The following SLC7A14 variants were observed in gnomAD, a reference collection of about 807,000 sequenced individuals.
SLC7A14 encodes the protein solute carrier family 7 member 14.
In SLC7A14, 37 loss-of-function variants were observed where a neutral mutation model predicts 60.2. The observed-to-expected ratio is 0.61, with a 90% confidence interval of 0.47 to 0.81. The LOEUF is 0.81. Ranked by LOEUF, SLC7A14 falls within the 30% of genes least tolerant of loss-of-function variation. The pLI is 0.00. For missense variants in SLC7A14, 886 were observed against 982.7 expected (o/e 0.90, Z 1.32); for synonymous variants, 399 against 395.8 (o/e 1.01, Z -0.10).
Position 170,501,248 on chromosome 3 carries a change from G to A in SLC7A14, c.402C>T (p.Phe134=), listed in dbSNP as rs772249542. The change falls in exon 3 of 8, where the codon TTC becomes TTT. Residue 134 remains phenylalanine (F), a synonymous_variant. Coordinates refer to ENST00000231706, the MANE Select transcript of SLC7A14 (RefSeq NM_020949.3). ...ACTCCAGGATCAGGTTCCAGCCAAT[G>A]AAAAATGCCACAAATTCCCCAACAG... The part of the protein sequence containing the change: ...YVTVGEFVAF[F]IGWNLILEYL... 11 of 1,614,072 alleles carry A rather than the reference G, an allele frequency of 6.8e-6. No individual in the cohort carries two copies. In the Admixed American group the frequency reaches 1.8e-4, roughly 27 times the overall value.
chr3:170,462,317 A>G lies in SLC7A14; in HGVS notation c.*4738T>C, dbSNP rs1253797828. On this transcript the variant is annotated 3_prime_UTR_variant, in exon 8 of 8. Transcript: ENST00000231706. ...AAGGTAGACTTCCAACAAATGTTGG[A>G]TGTCTAACAAATGTTGGATTTGTCT... 6.6e-6 allele frequency: 1 copy of G among 152,192 alleles called. No individual in the cohort carries two copies. The highest frequency in any genetic ancestry group is 2.4e-5 in the African/African-American group (1 of 41,444). 9.4% of individuals were successfully genotyped at this position (152,192 alleles called of 1,614,324 possible).
intron 2 of SLC7A14, among the ~76,000 whole-genome samples, chr3:170,515,018 A>G (rs1281347656): frequency 1.3e-5 from 2 of 152,178 alleles, no homozygotes; most frequent in African/African-American, 4.8e-5. Flanking sequence ...ACCCACCTTG[A>G]AAATAATATT....
chr3:170,477,831 C>T (rs781276992), intron 7 of SLC7A14, among the ~76,000 whole-genome samples: 1 of 152,198 alleles, frequency 6.6e-6, no homozygotes, highest in Non-Finnish European at 1.5e-5. Context: ...ATGGGCACCA[C>T]ACTGTGGGTA....
Position 170,460,010 on chromosome 3 carries a change from G to A in SLC7A14, c.*7045C>T, listed in dbSNP as rs892621382. 1 of 151,958 alleles carries A rather than the reference G, an allele frequency of 6.6e-6. No homozygotes were observed. The highest frequency in any genetic ancestry group is 2.4e-5 in the African/African-American group (1 of 41,344). The allele number at this position is 151,958 out of a possible 1,614,324, so 9.4% of individuals were successfully genotyped here. A position where few individuals can be genotyped will look rare whatever the true frequency, so the allele number is the denominator to read the frequency against. On this transcript the variant is annotated 3_prime_UTR_variant, in exon 8 of 8. Coordinates refer to ENST00000231706, the MANE Select transcript of SLC7A14 (RefSeq NM_020949.3). ...AATATATTGTCAACACCACACATTT[G>A]AAAATAAAACACATTTCATAATACA...
intron 1 of SLC7A14, among the ~76,000 whole-genome samples, chr3:170,543,329 T>C (rs763940863): frequency 4.6e-5 from 7 of 152,108 alleles, no homozygotes; most frequent in Non-Finnish European, 8.8e-5. Context: ...AAGAGATCCA[T>C]GAGGTCACGG....
rs2108280791 is a variant in SLC7A14 at position 170,501,290 on chromosome 3, G to A, written c.360C>T (p.Tyr120=). The A allele has an allele frequency of 1.2e-6, 2 of 1,614,198 alleles. No homozygotes were observed. The highest frequency in any genetic ancestry group is 2.2e-5 in the East Asian group (1 of 44,888). ...VRVPKTTGSA[Y]TYSYVTVGEF... ...CCCCAACAGTGACATAGCTGTAGGT[G>A]TAGGCAGATCCTGTGGTCTTGGGGA... Residue 120 remains tyrosine, a synonymous_variant, in exon 3 of 8, where the codon TAC becomes TAT. Coordinates refer to ENST00000231706, the MANE Select transcript of SLC7A14 (RefSeq NM_020949.3).
At chr3:170,545,036 C>T (rs1186644761) in intron 1 of SLC7A14, among the ~76,000 whole-genome samples, 4 of 152,228 alleles carry the variant, frequency 2.6e-5, no homozygotes, top group Non-Finnish European at 5.9e-5. Flanking sequence ...CTGAATTTTA[C>T]ATTTAAATTT....
rs567904823 is a variant in SLC7A14 at position 170,518,324 on chromosome 3, A to G, written c.304+8309T>C. Among the ~76,000 whole-genome samples, 4 of 152,246 alleles carry G rather than the reference A, an allele frequency of 2.6e-5. No homozygotes were observed. In the East Asian group the frequency reaches 5.8e-4, roughly 22 times the overall value. On this transcript the variant is annotated intron_variant, in intron 2 of 7. Transcript: ENST00000231706. ...TCTGGCACCAGAACTGTGTTGTAAAATCTATTATTTTAATGACATTGTTTC... is the reference window on the plus strand; with the variant it reads ...TCTGGCACCAGAACTGTGTTGTAAAGTCTATTATTTTAATGACATTGTTTC...
rs181545803 is a variant in SLC7A14 at position 170,571,925 on chromosome 3, G to A, written c.-153+13986C>T. ...AATACAAAAAAACTAGCTGGGCATG[G>A]TGGTGCACGCCTGTAGTCCCAACTA... On this transcript the variant is annotated intron_variant, in intron 1 of 7. Coordinates refer to ENST00000231706, the MANE Select transcript of SLC7A14 (RefSeq NM_020949.3). Among the ~76,000 whole-genome samples, 71 of 152,152 alleles carry A rather than the reference G, an allele frequency of 4.7e-4. 1 individual carries two copies. The East Asian group carries it at 0.011, about 23-fold the overall frequency.
At chr3:170,498,940 AC>A in intron 3 of SLC7A14, 56 bp from the exon 4 acceptor site, 2 of 1,551,122 alleles carry the variant, frequency 1.3e-6, no homozygotes, top group South Asian at 2.3e-5. Context: ...GGCCATGCAA[AC>A]TCCTGGTCCT....
In SLC7A14 at chr3:170,555,673, G is replaced by A. The variant is rs577860913; in HGVS notation, c.-152-28585C>T. ...ACAGCATGTGACTATACTAATACTG[G>A]AGGCAATGGGAACAGAGTGGTAAGG... On this transcript the variant is annotated intron_variant, in intron 1 of 7. Transcript: ENST00000231706. 7.2e-5 allele frequency among the ~76,000 whole-genome samples: 11 copies of A among 152,252 alleles called. No homozygotes were observed. The East Asian group carries it at 2.1e-3, about 29-fold the overall frequency.
chr3:170,550,010 A>T (rs1336685988), intron 1 of SLC7A14, among the ~76,000 whole-genome samples: 1 of 152,222 alleles, frequency 6.6e-6, no homozygotes, highest in Non-Finnish European at 1.5e-5. Flanking sequence ...GAAAAGAGGA[A>T]GACCCTGAGC....
chr3:170,557,273 G>A (rs867930976), intron 1 of SLC7A14, among the ~76,000 whole-genome samples: 1 of 152,102 alleles, frequency 6.6e-6, no homozygotes, highest in Non-Finnish European at 1.5e-5. Context: ...CCTTTGGAAT[G>A]TGGAGCCCAT....
chr3:170,524,304 G>A (rs371540223), intron 2 of SLC7A14, among the ~76,000 whole-genome samples: 7 of 152,338 alleles, frequency 4.6e-5, no homozygotes. Flanking sequence ...CTTGGCAGCT[G>A]GTGTGAGCTG....
chr3:170,584,835 G>A (rs2108321689), intron 1 of SLC7A14, among the ~76,000 whole-genome samples: 1 of 152,202 alleles, frequency 6.6e-6, no homozygotes, highest in Non-Finnish European at 1.5e-5. Context: ...GGGCAATTCG[G>A]GCCAGTGACG....
chr3:170,519,514 C>T (rs7636960), intron 2 of SLC7A14, among the ~76,000 whole-genome samples: 3 of 152,212 alleles, frequency 2.0e-5, no homozygotes, highest in Non-Finnish European at 2.9e-5. Context: ...CAGTGGCTCA[C>T]GCCTGTAATC....
chr3:170,520,015 T>G (rs1713295910), intron 2 of SLC7A14, among the ~76,000 whole-genome samples: 1 of 152,232 alleles, frequency 6.6e-6, no homozygotes, highest in Non-Finnish European at 1.5e-5. Flanking sequence ...TCCAGGTTTC[T>G]TGTACACAGG....
chr3:170,485,577 G>GAGCAAGCATCAGAGCATGAGGAGTGTCT (rs1712001206), intron 5 of SLC7A14, among the ~76,000 whole-genome samples: 1 of 152,176 alleles, frequency 6.6e-6, no homozygotes, highest in Admixed American at 6.5e-5. Context: ...GGAGCTCCGA[G>GAGCAAGCATCAGAGCATGAGGAGTGTCT]AGCAAGCATC....
rs1560264178 is a variant in SLC7A14 at position 170,510,409 on chromosome 3, T to TAA, written c.305-9066_305-9065dup. On this transcript the variant is annotated intron_variant, in intron 2 of 7. Transcript: ENST00000231706. ...TGTCAAAAAAAAAAAAATAAATAAA[T>TAA]AAATAAATAAATAAAGAATGTAACC... Among the ~76,000 whole-genome samples the TAA allele has an allele frequency of 1.9e-3, 262 of 135,876 alleles. 8 individuals are homozygous for TAA. The East Asian group carries it at 0.03, about 15-fold the overall frequency. 89.1% of individuals were successfully genotyped at this position (135,876 alleles called of 152,430 possible).
Sources: allele counts gnomAD v4.1 joint callset (sites outside exome capture counted in the v4.1 genomes callset), GRCh38; gene constraint gnomAD v4.1.1; transcripts MANE v1.5; gene names NCBI Gene and HGNC (gene_info 2026-07-23, HGNC 2026-07-21).